HYKK: variants seen among roughly 807,000 people sequenced by gnomAD.
HYKK encodes 5-hydroxy-L-lysine kinase.
HYKK carries 19 observed loss-of-function variants against 29.7 expected under a neutral mutation model. The ratio of observed to expected loss-of-function variants is 0.64; its 90% CI spans 0.45 to 0.94. The LOEUF (loss-of-function observed/expected upper bound fraction) is 0.94. Among genes scored for constraint, HYKK ranks in the 40% least tolerant of loss-of-function variants. HYKK has a pLI of 0.00. For missense variants in HYKK, 390 were observed against 443.4 expected (o/e 0.88, Z 1.08); for synonymous variants, 152 against 158.1 (o/e 0.96, Z 0.29).
intron 1 of HYKK, among the ~76,000 whole-genome samples, chr15:78,508,340 G>T (rs1423606877): frequency 6.6e-6 from 1 of 152,168 alleles, no homozygotes; most frequent in Non-Finnish European, 1.5e-5. Flanking sequence ...TTGGAAGGAC[G>T]CAGCAAAAGG....
At position 78,535,621 on chromosome 15, in the gene HYKK, TG is replaced by T. The variant is rs2052355595; in HGVS notation, c.*1952del. 2.6e-5 allele frequency: 4 copies of T among 152,224 alleles called. No individual in the cohort carries two copies. The allele number at this position is 152,224 out of a possible 1,614,324, so 9.4% of individuals were successfully genotyped here. On this transcript the variant is annotated 3_prime_UTR_variant, in exon 5 of 5. Transcript: ENST00000388988. ...AACTCAAAATATTGGAGTAATTTTTTGCTTGCCTCTCTTATATTCAGTGAGC... is the reference window on the plus strand; with the variant it reads ...AACTCAAAATATTGGAGTAATTTTTTCTTGCCTCTCTTATATTCAGTGAGC...
intron 3 of HYKK, among the ~76,000 whole-genome samples, chr15:78,515,903 A>T (rs1390334620): frequency 6.6e-6 from 1 of 152,142 alleles, no homozygotes; most frequent in East Asian, 1.9e-4. Flanking sequence ...ATTTTTTTTA[A>T]ATTAAAAAAT....
chr15:78,507,787 A>C (rs1473436188), intron 1 of HYKK, 116 bp downstream of exon 1: 1 of 152,360 alleles, frequency 6.6e-6, no homozygotes, highest in Non-Finnish European at 1.5e-5. Context: ...CCTATGCCTC[A>C]GGCTCCTCCA....
chr15:78,513,457 C>T (rs1567015209), intron 2 of HYKK, 32 bp downstream of exon 2: 5 of 1,482,372 alleles, frequency 3.4e-6, no homozygotes, highest in Non-Finnish European at 2.8e-6. Context: ...GATCCATTAC[C>T]TATCCAGACA....
chr15:78,527,857 A>C, intron 4 of HYKK: 1 of 563,686 alleles, frequency 1.8e-6, no homozygotes, highest in East Asian at 8.2e-5. Flanking sequence ...CTTTATATCA[A>C]TGGTATCACA....
At position 78,510,123 on chromosome 15, in the gene HYKK, T is replaced by TTTTCTTTC. The variant is rs146025612; in HGVS notation, c.-6+2467_-6+2474dup. Among the ~76,000 whole-genome samples the TTTTCTTTC allele has an allele frequency of 8.7e-3, 1,290 of 148,752 alleles. 33 individuals carry two copies. Among genetic ancestry groups the TTTTCTTTC allele is most frequent in the African/African-American group, 0.029 (1,173 of 40,460 alleles). On this transcript the variant is annotated intron_variant, in intron 1 of 4. Transcript: ENST00000388988. ...TTTCTCTCTCTCTCTTTCTTCTTTC[T>TTTTCTTTC]TTTCTTTCTTTCTTTCTTTCTTCTT...
intron 3 of HYKK, among the ~76,000 whole-genome samples, chr15:78,525,430 A>G (rs1049737910): frequency 6.6e-5 from 10 of 152,064 alleles, no homozygotes; most frequent in African/African-American, 2.4e-4. Flanking sequence ...TGTTGGGATT[A>G]CAGGCGTGAG....
chr15:78,525,290 G>C (rs1041392222), intron 3 of HYKK, among the ~76,000 whole-genome samples: 3 of 151,160 alleles, frequency 2.0e-5, no homozygotes, highest in Non-Finnish European at 4.4e-5. Context: ...CAAGTAGCTG[G>C]GACTACAGGC....
Position 78,527,609 on chromosome 15 carries a change from C to T in HYKK, c.661+46C>T, listed in dbSNP as rs781113565. ...GTATTTTTCTTGATATTTAAACTGT[C>T]CAATTTCATATCATCAGAAAAGTAT... On this transcript the variant is annotated intron_variant, in intron 4 of 4. Transcript: ENST00000388988. The T allele has an allele frequency of 1.9e-6, 3 of 1,598,924 alleles. No homozygotes were observed. In the South Asian group the frequency reaches 3.4e-5, roughly 18 times the overall value.
intron 4 of HYKK, 74 bp from the exon 5 acceptor site, chr15:78,533,136 C>A: frequency 1.1e-6 from 1 of 930,526 alleles, no homozygotes; most frequent in Admixed American, 2.4e-5. Flanking sequence ...ATGGCTTTGC[C>A]TATGAAAGAG....
At chr15:78,510,055 C>A (rs967067948) in intron 1 of HYKK, among the ~76,000 whole-genome samples, 1 of 152,066 alleles carries the variant, frequency 6.6e-6, no homozygotes, top group Non-Finnish European at 1.5e-5. Context: ...TTACCTCTCC[C>A]TTATTTTCTC....
In HYKK at chr15:78,536,155, G is replaced by A. The variant is rs898895103; in HGVS notation, c.*2485G>A. On this transcript the variant is annotated 3_prime_UTR_variant, in exon 5 of 5. Coordinates refer to ENST00000388988, the MANE Select transcript of HYKK (RefSeq NM_001013619.4). ...ATAATTAATCGTCATTTTCAGATAAGAAAATAGCAGCTGAAAAAGTAAAAA... is the reference window on the plus strand; with the variant it reads ...ATAATTAATCGTCATTTTCAGATAAAAAAATAGCAGCTGAAAAAGTAAAAA... The A allele has an allele frequency of 6.6e-6, 1 of 152,142 alleles. No homozygotes were observed. Among genetic ancestry groups the A allele is most frequent in the Non-Finnish European group, 1.5e-5 (1 of 68,034 alleles). 9.4% of individuals were successfully genotyped at this position (152,142 alleles called of 1,614,324 possible). A position where few individuals can be genotyped will look rare whatever the true frequency, so the allele number is the denominator to read the frequency against.
chr15:78,526,025 G>A (rs1353421113), intron 3 of HYKK, among the ~76,000 whole-genome samples: 1 of 152,176 alleles, frequency 6.6e-6, no homozygotes, highest in Admixed American at 6.5e-5. Context: ...TGGGTCACAA[G>A]ATCCAGGTCC....
At chr15:78,518,340 T>C (rs891188249) in intron 3 of HYKK, among the ~76,000 whole-genome samples, 1 of 152,142 alleles carries the variant, frequency 6.6e-6, no homozygotes, top group Middle Eastern at 3.4e-3. Context: ...GCCCGGCTAA[T>C]TTTTTGGTAT....
At chr15:78,523,083 A>G (rs2052214709) in intron 3 of HYKK, among the ~76,000 whole-genome samples, 1 of 152,196 alleles carries the variant, frequency 6.6e-6, no homozygotes. Flanking sequence ...ATAAGGGTAA[A>G]AAGTACCTAC....
Position 78,513,415 on chromosome 15 carries a change from C to G in HYKK, c.327C>G (p.Leu109=). ...CHTKGDNTAS[L]VSVDSGSEIK... is the part of the protein sequence containing the mutation. ...CTAAAGGAGACAACACAGCTTCTCT[C>G]GTGTCTGTAGGTAAGAGATGACCAA... is the stretch of plus-strand genomic sequence containing the variant. The change falls in exon 2 of 5, where the codon CTC becomes CTG. Residue 109 remains leucine (L), a synonymous_variant. Coordinates refer to ENST00000388988, the MANE Select transcript of HYKK (RefSeq NM_001013619.4). The G allele has an allele frequency of 6.2e-7, 1 of 1,611,430 alleles. No individual in the cohort carries two copies. The highest frequency in any genetic ancestry group is 8.5e-7 in the Non-Finnish European group (1 of 1,178,632).
rs71148531 is a variant in HYKK, at chr15:78,508,880, C to CAAAAAAA, written c.-6+1223_-6+1229dup. 9.4e-4 allele frequency among the ~76,000 whole-genome samples: 52 copies of CAAAAAAA among 55,608 alleles called. 3 individuals carry two copies. The highest frequency in any genetic ancestry group is 4.1e-3 in the South Asian group (4 of 970). 36.5% of individuals were successfully genotyped at this position (55,608 alleles called of 152,430 possible). ...GCAACATAGTGGGACCCTCTCTCTC[C>CAAAAAAA]AAAAAAAAAAAAAAAAAAAAGGCCA... On this transcript the variant is annotated intron_variant, in intron 1 of 4. Transcript: ENST00000388988.
chr15:78,517,794 T>G (rs1176804590), intron 3 of HYKK, among the ~76,000 whole-genome samples: 1 of 152,150 alleles, frequency 6.6e-6, no homozygotes, highest in Non-Finnish European at 1.5e-5. Context: ...CTGATCAAAA[T>G]CCTTCAGTGT....
At position 78,513,275 on chromosome 15, in the gene HYKK, G is replaced by A; in HGVS notation, c.187G>A (p.Val63Ile). Reference protein sequence around the residue: ...SKTKDGPTEYVLKISNTKASK... With the variant: ...SKTKDGPTEYILKISNTKASK... Reference sequence around the variant, plus strand: ...AACCAAAGATGGCCCAACTGAATATGTCCTCAAAATAAGCAACACCAAGGC... The same window carrying A: ...AACCAAAGATGGCCCAACTGAATATATCCTCAAAATAAGCAACACCAAGGC... The change falls in exon 2 of 5, where the codon GTC becomes ATC. Residue 63 changes from valine (V) to isoleucine (I), a missense_variant. Val to Ile is a conservative substitution (Grantham distance 29, BLOSUM62 3). Transcript: ENST00000388988. The A allele has an allele frequency of 6.2e-7, 1 of 1,614,160 alleles. No homozygotes were observed. The highest frequency in any genetic ancestry group is 8.5e-7 in the Non-Finnish European group (1 of 1,180,036).
Sources: gnomAD v4.1 joint callset for allele counts (sites outside exome capture counted in the v4.1 genomes callset) on GRCh38, gnomAD v4.1.1 for gene constraint, MANE v1.5 for transcripts, NCBI Gene and HGNC (gene_info 2026-07-23, HGNC 2026-07-21) for gene names.